Variants in DOK6 observed in about 807,000 individuals in gnomAD.
DOK6 encodes the protein docking protein 6.
A neutral mutation model predicts 44.0 loss-of-function variants in DOK6; 22 were observed. The observed-to-expected ratio is 0.50, with a 90% CI of 0.36 to 0.71. The LOEUF is 0.71. Ranked by LOEUF, DOK6 falls within the 30% of genes least tolerant of loss-of-function variation. The probability of loss-of-function intolerance (pLI) is 0.00; values close to 1 mark genes in which losing one functional copy is unlikely to be tolerated. For missense variants in DOK6, 340 were observed against 416.4 expected (o/e 0.82, Z 1.60); for synonymous variants, 166 against 145.5 (o/e 1.14, Z -1.01).
At position 69,842,708 on chromosome 18, in the gene DOK6, C is replaced by T. The variant is rs570589572; in HGVS notation, c.*1325C>T. On this transcript the variant is annotated 3_prime_UTR_variant, in exon 8 of 8. Coordinates refer to ENST00000382713, the MANE Select transcript of DOK6 (RefSeq NM_152721.6). ...GTTTAAAGGGAGGTAGTGAATTCCA[C>T]GGAAACTGAGTTTGGCTAATTCAGG... 1.4e-4 allele frequency: 22 copies of T among 152,224 alleles called. No homozygotes were observed. Among genetic ancestry groups the T allele is most frequent in the Non-Finnish European group, 2.9e-4 (20 of 68,010 alleles). The allele number at this position is 152,224 out of a possible 1,614,324, so 9.4% of individuals were successfully genotyped here.
intron 1 of DOK6, among the ~76,000 whole-genome samples, chr18:69,448,043 G>A (rs969049080): frequency 1.3e-5 from 2 of 152,162 alleles, no homozygotes; most frequent in African/African-American, 2.4e-5. Context: ...AATAGCAATT[G>A]CATTGCTCAT....
Position 69,430,461 on chromosome 18 carries a change from GC to G in DOK6, c.66+29152del, listed in dbSNP as rs1281729278. On this transcript the variant is annotated intron_variant, in intron 1 of 7. Transcript: ENST00000382713. ...AAATGAGTTGCTCTTTATTAAAATA[GC>G]AATCACAAAACGTAGAAAACGATAA... 3.9e-5 allele frequency among the ~76,000 whole-genome samples: 6 copies of G among 151,926 alleles called. 1 individual carries two copies. The highest frequency in any genetic ancestry group is 1.5e-4 in the African/African-American group (6 of 41,376).
chr18:69,763,266 G>C (rs1480040270), intron 7 of DOK6, among the ~76,000 whole-genome samples: 1 of 152,206 alleles, frequency 6.6e-6, no homozygotes, highest in Non-Finnish European at 1.5e-5. Context: ...TCTTGCAGAA[G>C]TGGCAAACAG....
intron 7 of DOK6, among the ~76,000 whole-genome samples, chr18:69,798,384 G>T (rs1039714806): frequency 6.6e-6 from 1 of 152,090 alleles, no homozygotes; most frequent in Non-Finnish European, 1.5e-5. Context: ...CTAAAGGATT[G>T]TAAGAGTTAC....
intron 7 of DOK6, among the ~76,000 whole-genome samples, chr18:69,805,941 A>G (rs1296215349): frequency 2.0e-5 from 3 of 151,942 alleles, no homozygotes; most frequent in Non-Finnish European, 4.4e-5. Flanking sequence ...ATTATTAATT[A>G]TATGGTTTTT....
At chr18:69,681,205 C>A (rs932669330) in intron 4 of DOK6, among the ~76,000 whole-genome samples, 5 of 152,126 alleles carry the variant, frequency 3.3e-5, no homozygotes, top group Admixed American at 6.5e-5. Context: ...CTGTAATTAA[C>A]TACATTAACA....
chr18:69,546,780 G>A (rs1188867247), intron 1 of DOK6, among the ~76,000 whole-genome samples: 2 of 151,524 alleles, frequency 1.3e-5, no homozygotes, highest in Non-Finnish European at 3.0e-5. Context: ...ATCACCTTGA[G>A]TATTTATCAT....
chr18:69,614,012 GAGT>G (rs938480804), intron 3 of DOK6, among the ~76,000 whole-genome samples: 3 of 36,306 alleles, frequency 8.3e-5, no homozygotes, highest in Non-Finnish European at 2.7e-4. Context: ...TAAGTTTTCT[GAGT>G]ATTATTACCT....
At chr18:69,454,812 A>G (rs1298903297) in intron 1 of DOK6, among the ~76,000 whole-genome samples, 1 of 146,828 alleles carries the variant, frequency 6.8e-6, no homozygotes, top group African/African-American at 2.5e-5. Context: ...CGCAAGAACA[A>G]AAAACCAAAC....
At chr18:69,470,077 A>G (rs1253312800) in intron 1 of DOK6, 3 of 163,360 alleles carry the variant, frequency 1.8e-5, no homozygotes, top group Non-Finnish European at 4.0e-5. Flanking sequence ...GGCTGCTGCC[A>G]CCACAGCATT....
At chr18:69,674,858 T>C (rs1441708004) in intron 3 of DOK6, among the ~76,000 whole-genome samples, 1 of 152,134 alleles carries the variant, frequency 6.6e-6, no homozygotes, top group Non-Finnish European at 1.5e-5. Flanking sequence ...GGTGTGTTTT[T>C]CATATAACCT....
intron 3 of DOK6, among the ~76,000 whole-genome samples, chr18:69,617,725 A>AAG (rs139237756): frequency 1.1e-5 from 1 of 89,968 alleles, no homozygotes; most frequent in Non-Finnish European, 2.7e-5. Context: ...GAAAGAAAGA[A>AAG]AAAAGGGGGA....
intron 3 of DOK6, among the ~76,000 whole-genome samples, chr18:69,608,511 T>G (rs1984054554): frequency 6.6e-6 from 1 of 152,194 alleles, no homozygotes; most frequent in Admixed American, 6.5e-5. Flanking sequence ...CCATATGAAT[T>G]GTAGAATTTT....
intron 7 of DOK6, among the ~76,000 whole-genome samples, chr18:69,813,470 A>G (rs1981303600): frequency 6.6e-6 from 1 of 152,174 alleles, no homozygotes; most frequent in African/African-American, 2.4e-5. Context: ...CTAGTGAAGT[A>G]TGATTGGGGA....
chr18:69,665,688 T>C (rs1217145133), intron 3 of DOK6, among the ~76,000 whole-genome samples: 3 of 152,214 alleles, frequency 2.0e-5, no homozygotes, highest in Admixed American at 6.5e-5. Context: ...GCGATTGACT[T>C]TTTTAGAGAA....
At chr18:69,538,692 A>G (rs561908455) in intron 1 of DOK6, among the ~76,000 whole-genome samples, 1 of 151,480 alleles carries the variant, frequency 6.6e-6, no homozygotes, top group Non-Finnish European at 1.5e-5. Flanking sequence ...TCTCTTTACT[A>G]CACCAACCTT....
chr18:69,436,807 C>G (rs55719528), intron 1 of DOK6, among the ~76,000 whole-genome samples: 30,289 of 152,182 alleles, frequency 0.2, 3,405 homozygotes, highest in Non-Finnish European at 0.23. Context: ...TTCTCCACAT[C>G]CTCTCCAGCA....
chr18:69,415,674 A>G (rs1978328148), intron 1 of DOK6, among the ~76,000 whole-genome samples: 2 of 152,104 alleles, frequency 1.3e-5, no homozygotes. Context: ...ACATCTGTCC[A>G]AGGATGCATT....
At chr18:69,619,674 C>T (rs555738252) in intron 3 of DOK6, among the ~76,000 whole-genome samples, 1 of 152,206 alleles carries the variant, frequency 6.6e-6, no homozygotes, top group East Asian at 1.9e-4. Flanking sequence ...TTGTTATTGG[C>T]GTAAAATACA....
Sources: allele counts gnomAD v4.1 joint callset (sites outside exome capture counted in the v4.1 genomes callset), GRCh38; gene constraint gnomAD v4.1.1; transcripts MANE v1.5; gene names NCBI Gene and HGNC (gene_info 2026-07-23, HGNC 2026-07-21).